Variants in PIEZO2 observed in about 807,000 individuals in gnomAD.
PIEZO2 encodes the protein piezo-type mechanosensitive ion channel component 2.
Under a neutral mutation model 337.3 loss-of-function variants are expected in PIEZO2, and 172 were observed. The observed-to-expected ratio is 0.51, with a 90% CI of 0.45 to 0.58. The LOEUF (loss-of-function observed/expected upper bound fraction) is 0.58. Ranked by LOEUF, PIEZO2 falls within the 20% of genes least tolerant of loss-of-function variation. The probability of loss-of-function intolerance (pLI) is 0.00; values close to 1 mark genes in which losing one functional copy is unlikely to be tolerated. For synonymous variants in PIEZO2, 1,251 were observed against 1,228.5 expected, an observed-to-expected ratio of 1.02 and a Z score of -0.38; for missense variants, 3,028 against 3,391.3, an observed-to-expected ratio of 0.89 and a Z score of 2.66.
intron 7 of PIEZO2, among the ~76,000 whole-genome samples, chr18:10,840,248 A>G (rs1271818025): frequency 6.6e-6 from 1 of 152,228 alleles, no homozygotes; most frequent in African/African-American, 2.4e-5. Flanking sequence ...AATTTGTTCT[A>G]TAAGAATTTT....
At chr18:10,729,468 T>C (rs979575225) in intron 36 of PIEZO2, among the ~76,000 whole-genome samples, 2 of 151,706 alleles carry the variant, frequency 1.3e-5, no homozygotes, top group Non-Finnish European at 2.9e-5. Context: ...CTACTAAAAA[T>C]ACAAACATTG....
intron 2 of PIEZO2, among the ~76,000 whole-genome samples, chr18:11,030,191 T>G (rs2036680317): frequency 6.6e-6 from 1 of 152,154 alleles, no homozygotes; most frequent in Non-Finnish European, 1.5e-5. Context: ...AACTAAGGTG[T>G]CAAGTGTTTG....
At chr18:11,133,702 A>G (rs1021813767) in intron 1 of PIEZO2, among the ~76,000 whole-genome samples, 6 of 151,998 alleles carry the variant, frequency 3.9e-5, no homozygotes, top group African/African-American at 1.4e-4. Context: ...CAGTTTTGGG[A>G]GTTGGACTGG....
In PIEZO2 at chr18:10,682,970, C is replaced by G. The variant is rs1375123686; in HGVS notation, c.7498-678G>C. On this transcript the variant is annotated intron_variant, in intron 49 of 55. Coordinates refer to ENST00000674853, the MANE Select transcript of PIEZO2 (RefSeq NM_001378183.1). This position sits in a 1 kb window ranked among gnomAD's most constrained non-coding sequence, Gnocchi z 5.6. Reference sequence around the variant, plus strand: ...ATAGATTCATGAAGGACCCACTAAGCCCCCTGCTTAAAGACTATGGACAAG... The same window carrying G: ...ATAGATTCATGAAGGACCCACTAAGGCCCCTGCTTAAAGACTATGGACAAG... 6.6e-6 allele frequency among the ~76,000 whole-genome samples: 1 copy of G among 152,182 alleles called. No homozygotes were observed. The highest frequency in any genetic ancestry group is 6.5e-5 in the Admixed American group (1 of 15,288).
rs2041939960 is a variant in PIEZO2, at chr18:10,863,890, A to G, written c.493-6679T>C. Among the ~76,000 whole-genome samples, 1 of 152,148 alleles carries G rather than the reference A, an allele frequency of 6.6e-6. No individual in the cohort carries two copies. Among genetic ancestry groups the G allele is most frequent in the African/African-American group, 2.4e-5 (1 of 41,434 alleles). The stretch of plus-strand genomic sequence containing the variant: ...AGCAGTCACACACACACACACCTAT[A>G]TCATCCACTCAGTTCACATTAGTTC... On this transcript the variant is annotated intron_variant, in intron 5 of 55. Coordinates refer to ENST00000674853, the MANE Select transcript of PIEZO2 (RefSeq NM_001378183.1). The surrounding 1 kb of genome is among the most constrained non-coding windows in gnomAD (Gnocchi z 4.3).
rs893867200 is a variant in PIEZO2, at chr18:10,705,640, G to A, written c.5695C>T (p.Pro1899Ser). Residue 1899 changes from proline to serine, a missense_variant, in exon 41 of 56, where the codon CCC (proline) becomes TCC (serine). Physicochemically the swap from Pro to Ser is moderately conservative, Grantham distance 74 (BLOSUM62 -1). Around this residue, in one of 5 missense-constraint regions of PIEZO2, gnomAD observed 1,925 missense variants for 2,051.9 expected, o/e 0.94. Transcript: ENST00000674853. ...EEEAGSTAPE[P>S]REAKEYEATG... ...GCCTCGTACTCCTTGGCCTCCCTGG[G>A]CTCAGGCGCCGTGCTCCCTGCCTCC... 3.1e-5 allele frequency: 48 copies of A among 1,536,992 alleles called. No homozygotes were observed. The highest frequency in any genetic ancestry group is 4.2e-5 in the Non-Finnish European group (48 of 1,146,920).
intron 4 of PIEZO2, among the ~76,000 whole-genome samples, chr18:10,879,654 C>A (rs901740757): frequency 2.0e-4 from 31 of 152,266 alleles, no homozygotes; most frequent in Admixed American, 1.3e-3. Context: ...CTCGGCCTCC[C>A]AAAGTGCTGG....
intron 1 of PIEZO2, among the ~76,000 whole-genome samples, chr18:11,089,558 A>G (rs1365222117): frequency 6.6e-6 from 1 of 152,184 alleles, no homozygotes; most frequent in Non-Finnish European, 1.5e-5. Context: ...TTCCTCTTCC[A>G]AGGAATAAAA....
rs1199063405 is a variant in PIEZO2 at position 10,775,950 on chromosome 18, T to C, written c.2535-1912A>G. 6.6e-6 allele frequency among the ~76,000 whole-genome samples: 1 copy of C among 152,140 alleles called. No individual in the cohort carries two copies. Among genetic ancestry groups the C allele is most frequent in the Non-Finnish European group, 1.5e-5 (1 of 68,030 alleles). On this transcript the variant is annotated intron_variant, in intron 18 of 55. Coordinates refer to ENST00000674853, the MANE Select transcript of PIEZO2 (RefSeq NM_001378183.1). The surrounding 1 kb of genome is among the most constrained non-coding windows in gnomAD (Gnocchi z 4.3). ...AAAAAAGAAATTATGTATCAGGCTG[T>C]CATTTACTAGTCTAGGGGTTTATTA...
At position 10,940,534 on chromosome 18, in the gene PIEZO2, T is replaced by C. The variant is rs1490767662; in HGVS notation, c.287-29306A>G. On this transcript the variant is annotated intron_variant, in intron 3 of 55. Transcript: ENST00000674853. The surrounding 1 kb of genome is among the most constrained non-coding windows in gnomAD (Gnocchi z 5.3). ...ATGAAGAATATAGGACAGGACACAT[T>C]ACTGCTTTTGTGCCTGCTGATAATG... 6.6e-6 allele frequency among the ~76,000 whole-genome samples: 1 copy of C among 152,210 alleles called. No individual in the cohort carries two copies. Among genetic ancestry groups the C allele is most frequent in the African/African-American group, 2.4e-5 (1 of 41,442 alleles).
rs1335140558 is a variant in PIEZO2 at position 10,856,635 on chromosome 18, C to T, written c.703+366G>A. ...TGTAAGCAGACAGACCTCCAGAACC[C>T]ACAATATGGCTTGTGATGGGTGCAT... On this transcript the variant is annotated intron_variant, in intron 6 of 55. Transcript: ENST00000674853. The surrounding 1 kb of genome is among the most constrained non-coding windows in gnomAD (Gnocchi z 4.7). Among the ~76,000 whole-genome samples, 4 of 152,140 alleles carry T rather than the reference C, an allele frequency of 2.6e-5. No individual in the cohort carries two copies. Among genetic ancestry groups the T allele is most frequent in the Admixed American group, 2.0e-4 (3 of 15,274 alleles).
chr18:10,969,920 C>T lies in PIEZO2; in HGVS notation c.286+9615G>A, dbSNP rs191811269. On this transcript the variant is annotated intron_variant, in intron 3 of 55. Transcript: ENST00000674853. This position sits in a 1 kb window ranked among gnomAD's most constrained non-coding sequence, Gnocchi z 4.5. ...ATACCTTTATTTCTCCTTTTTTTGG[C>T]TGCTATTAATTCATTTATTCATTCT... 9.9e-5 allele frequency among the ~76,000 whole-genome samples: 15 copies of T among 151,790 alleles called. No homozygotes were observed. The highest frequency in any genetic ancestry group is 3.6e-4 in the African/African-American group (15 of 41,416).
At position 10,863,969 on chromosome 18, in the gene PIEZO2, A is replaced by G. The variant is rs1234138352; in HGVS notation, c.493-6758T>C. 6.6e-6 allele frequency among the ~76,000 whole-genome samples: 1 copy of G among 152,152 alleles called. No individual in the cohort carries two copies. The highest frequency in any genetic ancestry group is 1.5e-5 in the Non-Finnish European group (1 of 68,030). ...TATTTTCTCTTGTAGGAACCAGCTA[A>G]GTGTAGCTGTTCTAAATGATTCACC... On this transcript the variant is annotated intron_variant, in intron 5 of 55. Transcript: ENST00000674853. This position sits in a 1 kb window ranked among gnomAD's most constrained non-coding sequence, Gnocchi z 4.3.
chr18:10,720,633 A>G (rs2036271913), intron 36 of PIEZO2, among the ~76,000 whole-genome samples: 2 of 150,678 alleles, frequency 1.3e-5, no homozygotes, highest in Admixed American at 1.3e-4. Flanking sequence ...TTAAGAAAAA[A>G]TCTTTTTAGA....
rs1396931573 is a variant in PIEZO2, at chr18:11,099,588, T to G, written c.65-33366A>C. Among the ~76,000 whole-genome samples, 1 of 152,238 alleles carries G rather than the reference T, an allele frequency of 6.6e-6. No individual in the cohort carries two copies. The highest frequency in any genetic ancestry group is 1.5e-5 in the Non-Finnish European group (1 of 68,046). ...TTCAAATGATTCTCTGGCCTTAGCC[T>G]CCCGAGTAGCGGGGATCACAGGTGC... is the stretch of plus-strand genomic sequence containing the variant. On this transcript the variant is annotated intron_variant, in intron 1 of 55. Transcript: ENST00000674853. This position sits in a 1 kb window ranked among gnomAD's most constrained non-coding sequence, Gnocchi z 5.4.
chr18:10,835,186 T>C (rs1361463408), intron 7 of PIEZO2, among the ~76,000 whole-genome samples: 1 of 152,190 alleles, frequency 6.6e-6, no homozygotes, highest in East Asian at 1.9e-4. Context: ...TAAATGTTTG[T>C]TGTTTAAGCC....
rs1055301581 is a variant in PIEZO2 at position 10,947,430 on chromosome 18, A to C, written c.286+32105T>G. Among the ~76,000 whole-genome samples the C allele has an allele frequency of 9.8e-5, 15 of 152,310 alleles. No homozygotes were observed. The South Asian group carries it at 1.7e-3, about 17-fold the overall frequency. The stretch of plus-strand genomic sequence containing the variant: ...GTGTCTTATAAAAGTATGTTTCAGG[A>C]ATGAAGGGGAAATAAAGAGATTGCA... On this transcript the variant is annotated intron_variant, in intron 3 of 55. Coordinates refer to ENST00000674853, the MANE Select transcript of PIEZO2 (RefSeq NM_001378183.1).
rs562415246 is a variant in PIEZO2 at position 10,707,418 on chromosome 18, A to G, written c.5588+857T>C. On this transcript the variant is annotated intron_variant, in intron 40 of 55. Coordinates refer to ENST00000674853, the MANE Select transcript of PIEZO2 (RefSeq NM_001378183.1). The surrounding 1 kb of genome is among the most constrained non-coding windows in gnomAD (Gnocchi z 4.2). Reference sequence around the variant, plus strand: ...ATTCCCATCAATGCCAGGTGTCAGCATACTGCAGGGATGCACCGAGATACA... The same window carrying G: ...ATTCCCATCAATGCCAGGTGTCAGCGTACTGCAGGGATGCACCGAGATACA... Among the ~76,000 whole-genome samples the G allele has an allele frequency of 6.6e-6, 1 of 152,146 alleles. No individual in the cohort carries two copies. Among genetic ancestry groups the G allele is most frequent in the African/African-American group, 2.4e-5 (1 of 41,524 alleles).
chr18:10,997,103 C>A (rs879335398), intron 2 of PIEZO2, among the ~76,000 whole-genome samples: 1 of 152,018 alleles, frequency 6.6e-6, no homozygotes, highest in African/African-American at 2.4e-5. Flanking sequence ...GTCCAACTCC[C>A]AAACTGATAA....
Sources: allele counts gnomAD v4.1 joint callset (sites outside exome capture counted in the v4.1 genomes callset), GRCh38; gene constraint gnomAD v4.1.1; regional missense constraint gnomAD v4.1.1; non-coding constraint Gnocchi (gnomAD v3.1); transcripts MANE v1.5; gene names NCBI Gene and HGNC (gene_info 2026-07-23, HGNC 2026-07-21).